Variants in BRCA2 observed in about 807,000 individuals in gnomAD.
BRCA2 encodes breast cancer type 2 susceptibility protein.
BRCA2 carries 203 observed loss-of-function variants against 276.7 expected under a neutral mutation model. The observed-to-expected ratio is 0.73, with a 90% CI of 0.65 to 0.82. The LOEUF (loss-of-function observed/expected upper bound fraction) is 0.82, where lower values mean the gene tolerates loss of function less well. BRCA2 is among the 40% of genes least tolerant of loss of function. The pLI, the probability that BRCA2 is intolerant of heterozygous loss-of-function variation, is 0.00. For synonymous variants in BRCA2, 1,289 were observed against 1,338.4 expected, an observed-to-expected ratio of 0.96 and a Z score of 0.81; for missense variants, 3,920 against 3,915.0, an observed-to-expected ratio of 1.00 and a Z score of -0.03.
In BRCA2 at chr13:32,332,935, A is replaced by G. The variant is rs757735681; in HGVS notation, c.1457A>G (p.Gln486Arg). Residue 486 changes from glutamine to arginine, a missense_variant, in exon 10 of 27, where the codon CAG (glutamine) becomes CGG (arginine). Coordinates refer to ENST00000380152, the MANE Select transcript of BRCA2 (RefSeq NM_000059.4). The stretch of plus-strand genomic sequence containing the variant: ...ACAGACTGCATTCTTGCAGTAAAGC[A>G]GGCAATATCTGGAACTTCTCCAGTG... ...SHTDCILAVK[Q>R]AISGTSPVAS... The G allele has an allele frequency of 1.2e-6, 2 of 1,607,708 alleles. No individual in the cohort carries two copies. The highest frequency in any genetic ancestry group is 1.7e-6 in the Non-Finnish European group (2 of 1,178,514).
rs1555286320 is a variant in BRCA2, at chr13:32,356,625, C to T, written c.7617+16C>T. The T allele has an allele frequency of 2.5e-6, 4 of 1,612,638 alleles. No homozygotes were observed. Among genetic ancestry groups the T allele is most frequent in the South Asian group, 2.2e-5 (2 of 91,050 alleles). Reference sequence around the variant, plus strand: ...TCATAAACAGGTATGTGTTTGTCTACAATACTGATGGCTTTTATGACAGAG... The same window carrying T: ...TCATAAACAGGTATGTGTTTGTCTATAATACTGATGGCTTTTATGACAGAG... On this transcript the variant is annotated intron_variant, in intron 15 of 26. Coordinates refer to ENST00000380152, the MANE Select transcript of BRCA2 (RefSeq NM_000059.4).
intron 24 of BRCA2, among the ~76,000 whole-genome samples, 181 bp downstream of exon 24, chr13:32,380,326 T>C (rs796606656): frequency 3.9e-5 from 6 of 152,180 alleles, no homozygotes; most frequent in South Asian, 4.1e-4. Context: ...TTCTATATTA[T>C]TTCAAGGGTA....
intron 16 of BRCA2, among the ~76,000 whole-genome samples, chr13:32,360,587 T>C (rs1366912295): frequency 1.3e-5 from 2 of 152,202 alleles, no homozygotes; most frequent in African/African-American, 4.8e-5. Context: ...CTCAAACTCC[T>C]GACCTCAGGA....
intron 11 of BRCA2, 132 bp from the exon 12 acceptor site, chr13:32,344,426 A>G (rs1342793179): frequency 1.5e-5 from 9 of 606,010 alleles, no homozygotes; most frequent in Non-Finnish European, 2.7e-5. Flanking sequence ...TTAGGTCACT[A>G]TTTGTTGTAA....
chr13:32,352,445 A>G (rs1475391100), intron 13 of BRCA2, among the ~76,000 whole-genome samples: 2 of 152,258 alleles, frequency 1.3e-5, no homozygotes, highest in Non-Finnish European at 2.9e-5. Flanking sequence ...GGAACCAGAC[A>G]TGAAAACAAG....
Position 32,338,660 on chromosome 13 carries a change from T to C in BRCA2, c.4305T>C (p.Asn1435=), listed in dbSNP as rs878853583. 1 of 1,596,770 alleles carries C rather than the reference T, an allele frequency of 6.3e-7. No homozygotes were observed. Among genetic ancestry groups the C allele is most frequent in the South Asian group, 1.1e-5 (1 of 88,380 alleles). The change falls in exon 11 of 27, where the codon AAT becomes AAC. Residue 1435 remains asparagine (N), a synonymous_variant. Coordinates refer to ENST00000380152, the MANE Select transcript of BRCA2 (RefSeq NM_000059.4). ...TTTTTCAGACTGCAAGTGGGAAAAA[T>C]ATTAGTGTCGCCAAAGAGTCATTTA... ...DTFFQTASGK[N]ISVAKESFNK...
chr13:32,356,715 C>T, intron 15 of BRCA2, 106 bp downstream of exon 15: 2 of 1,298,020 alleles, frequency 1.5e-6, no homozygotes, highest in Non-Finnish European at 2.2e-6. Flanking sequence ...CACATTAGTG[C>T]AGGAATGGAT....
rs80358636 is a variant in BRCA2 at position 32,338,271 on chromosome 13, G to C, written c.3916G>C (p.Val1306Leu). 6.4e-7 allele frequency: 1 copy of C among 1,565,630 alleles called. No homozygotes were observed. Among genetic ancestry groups the C allele is most frequent in the Non-Finnish European group, 8.6e-7 (1 of 1,158,086 alleles). ...TATTGAAATGACTACTGGCACTTTT[G>C]TTGAAGAAATTACTGAAAATTACAA... The part of the protein sequence containing the change: ...NNIEMTTGTF[V>L]EEITENYKRN... The change falls in exon 11 of 27, where the codon GTT becomes CTT. Residue 1306 changes from valine to leucine, a missense_variant. Val to Leu is a conservative substitution (Grantham distance 32, BLOSUM62 1). This residue lies in a region of BRCA2 where 3,263 missense variants were observed against 3,156.9 expected (regional missense o/e 1.03). Transcript: ENST00000380152.
In BRCA2 at chr13:32,374,396, C is replaced by G. The variant is rs549109482; in HGVS notation, c.8633-2274C>G. Among the ~76,000 whole-genome samples, 7 of 152,356 alleles carry G rather than the reference C, an allele frequency of 4.6e-5. No homozygotes were observed. In the South Asian group the frequency reaches 1.4e-3, roughly 32 times the overall value. ...TGCAGATTTTCCAAACTTGCATGCTCTGCTTCCCTTTTAAATATAGGTTCC... is the reference window on the plus strand; with the variant it reads ...TGCAGATTTTCCAAACTTGCATGCTGTGCTTCCCTTTTAAATATAGGTTCC... On this transcript the variant is annotated intron_variant, in intron 20 of 26. Coordinates refer to ENST00000380152, the MANE Select transcript of BRCA2 (RefSeq NM_000059.4).
chr13:32,356,243 T>G (rs1485747132), intron 14 of BRCA2, among the ~76,000 whole-genome samples, 185 bp from the exon 15 acceptor site: 1 of 151,830 alleles, frequency 6.6e-6, no homozygotes, highest in Non-Finnish European at 1.5e-5. Flanking sequence ...ATATTTTTTT[T>G]TTGTTTAGTA....
Position 32,372,996 on chromosome 13 carries a change from CT to C in BRCA2, c.8632+1910del, listed in dbSNP as rs35596121. On this transcript the variant is annotated intron_variant, in intron 20 of 26. Transcript: ENST00000380152. ...AAACCTAGCCAGGCAATCAATGAATCTTTTTTTTTTTTTTGAGACAGGGTCT... is the reference window on the plus strand; with the variant it reads ...AAACCTAGCCAGGCAATCAATGAATCTTTTTTTTTTTTTGAGACAGGGTCT... 4.8e-3 allele frequency among the ~76,000 whole-genome samples: 696 copies of C among 144,314 alleles called. 11 individuals are homozygous for C. The East Asian group carries it at 0.053, about 11-fold the overall frequency. The allele number at this position is 144,314 out of a possible 152,430, so 94.7% of individuals were successfully genotyped here. A position where few individuals can be genotyped will look rare whatever the true frequency, so the allele number is the denominator to read the frequency against.
rs80359037 is a variant in BRCA2 at position 32,363,216 on chromosome 13, A to G, written c.8014A>G (p.Ile2672Val). The change falls in exon 18 of 27, where the codon ATA becomes GTA. Residue 2672 changes from isoleucine (I) to valine (V), a missense_variant. Physicochemically the swap from Ile to Val is conservative, Grantham distance 29. Transcript: ENST00000380152. ...AATTGATAGAAGCAGAAGATCGGCTATAAAAAAGATAATGGAAAGGGATGA... is the reference window on the plus strand; with the variant it reads ...AATTGATAGAAGCAGAAGATCGGCTGTAAAAAAGATAATGGAAAGGGATGA... ...TEIDRSRRSA[I>V]KKIMERDDTA... The G allele has an allele frequency of 5.0e-6, 8 of 1,613,898 alleles. No individual in the cohort carries two copies. The highest frequency in any genetic ancestry group is 4.0e-5 in the African/African-American group (3 of 74,938).
At chr13:32,380,489 C>G (rs1213598952) in intron 24 of BRCA2, among the ~76,000 whole-genome samples, 3 of 148,600 alleles carry the variant, frequency 2.0e-5, no homozygotes, top group East Asian at 2.0e-4. Context: ...TAGCCATACA[C>G]TCTACTTTTC....
At chr13:32,343,337 C>G (rs888281350) in intron 11 of BRCA2, among the ~76,000 whole-genome samples, 1 of 151,996 alleles carries the variant, frequency 6.6e-6, no homozygotes. Context: ...ATAACTAGTT[C>G]CTTTTTAAAA....
chr13:32,330,284 G>T (rs2072379301), intron 8 of BRCA2, among the ~76,000 whole-genome samples: 1 of 152,164 alleles, frequency 6.6e-6, no homozygotes, highest in Non-Finnish European at 1.5e-5. Context: ...GCAGTTTGAG[G>T]TGTGACAGCA....
intron 13 of BRCA2, among the ~76,000 whole-genome samples, chr13:32,354,392 G>A (rs2072672493): frequency 1.3e-5 from 2 of 152,250 alleles, no homozygotes; most frequent in South Asian, 4.2e-4. Context: ...TCAAAGGTAG[G>A]CAAGATTTTT....
chr13:32,386,976 C>T (rs1018336714), intron 24 of BRCA2, among the ~76,000 whole-genome samples: 3 of 152,150 alleles, frequency 2.0e-5, no homozygotes, highest in Non-Finnish European at 4.4e-5. Context: ...CTGTTCATTG[C>T]CTCTCTCTTT....
At position 32,336,846 on chromosome 13, in the gene BRCA2, G is replaced by C. The variant is rs397507287; in HGVS notation, c.2491G>C (p.Val831Leu). The change falls in exon 11 of 27, where the codon GTT becomes CTT. Residue 831 changes from valine to leucine, a missense_variant. Transcript: ENST00000380152. The part of the protein sequence containing the change: ...VCALNENYKN[V>L]ELLPPEKYMR... The stretch of plus-strand genomic sequence containing the variant: ...TGCTTTAAATGAAAATTATAAAAAC[G>C]TTGAGCTGTTGCCACCTGAAAAATA... The C allele has an allele frequency of 6.2e-7, 1 of 1,605,422 alleles. No homozygotes were observed. The highest frequency in any genetic ancestry group is 8.5e-7 in the Non-Finnish European group (1 of 1,177,914).
intron 14 of BRCA2, 116 bp downstream of exon 14, chr13:32,355,404 A>T: frequency 8.6e-7 from 1 of 1,166,596 alleles, no homozygotes; most frequent in Non-Finnish European, 1.2e-6. Context: ...AGCCCTTTTT[A>T]ATGTTTTAGA....
Sources: gnomAD v4.1 joint callset for allele counts (sites outside exome capture counted in the v4.1 genomes callset) on GRCh38, gnomAD v4.1.1 for gene constraint, gnomAD v4.1.1 regional missense constraint, MANE v1.5 for transcripts, NCBI Gene and HGNC (gene_info 2026-07-23, HGNC 2026-07-21) for gene names.